The following XRCC4 variants were observed in gnomAD, a reference collection of about 807,000 sequenced individuals.
XRCC4 encodes the protein DNA repair protein XRCC4.
In XRCC4, 28 loss-of-function variants were observed where a neutral mutation model predicts 39.1. The observed-to-expected ratio is 0.72, with a 90% CI of 0.53 to 0.98. XRCC4 has a LOEUF of 0.98. Among genes scored for constraint, XRCC4 ranks in the 50% least tolerant of loss-of-function variants. The pLI is 0.00. For synonymous variants in XRCC4, 123 were observed against 126.4 expected, an observed-to-expected ratio of 0.97 and a Z score of 0.18; for missense variants, 350 against 376.4, an observed-to-expected ratio of 0.93 and a Z score of 0.58.
In XRCC4 at chr5:83,124,459, A is replaced by G. The variant is rs1220059337; in HGVS notation, c.315+13256A>G. 2.6e-5 allele frequency among the ~76,000 whole-genome samples: 4 copies of G among 152,012 alleles called. No homozygotes were observed. The East Asian group carries it at 7.7e-4, about 29-fold the overall frequency. On this transcript the variant is annotated intron_variant, in intron 3 of 7. Coordinates refer to ENST00000396027, the MANE Select transcript of XRCC4 (RefSeq NM_003401.5). ...AATGTATCAGTAGATCATTTTCTTT[A>G]TTGTTGAGTAGTCTATTCTTACCTC...
chr5:83,180,261 T>G (rs983777648), intron 3 of XRCC4, among the ~76,000 whole-genome samples: 9 of 152,110 alleles, frequency 5.9e-5, no homozygotes, highest in African/African-American at 1.9e-4. Flanking sequence ...AGAAATGGAC[T>G]TCAGAAAACA....
intron 1 of XRCC4, among the ~76,000 whole-genome samples, chr5:83,103,336 C>G (rs1746043066): frequency 1.3e-5 from 2 of 152,064 alleles, no homozygotes; most frequent in Non-Finnish European, 2.9e-5. Flanking sequence ...CCTTCTAACT[C>G]TAACTTTCAG....
At chr5:83,190,733 T>C (rs890209779) in intron 3 of XRCC4, among the ~76,000 whole-genome samples, 5 of 152,210 alleles carry the variant, frequency 3.3e-5, no homozygotes, top group African/African-American at 1.2e-4. Context: ...TTTTGTATGC[T>C]TTACTGATAC....
intron 3 of XRCC4, among the ~76,000 whole-genome samples, chr5:83,148,622 A>G (rs1370651110): frequency 1.3e-5 from 2 of 152,108 alleles, no homozygotes; most frequent in African/African-American, 2.4e-5. Context: ...TCAATTTTCA[A>G]TAGGTGAGAA....
chr5:83,174,317 C>G (rs116429216), intron 3 of XRCC4, among the ~76,000 whole-genome samples: 2,213 of 152,178 alleles, frequency 0.015, 62 homozygotes, highest in African/African-American at 0.051. Context: ...TTGAGTGATA[C>G]AATCAAAGAA....
intron 3 of XRCC4, among the ~76,000 whole-genome samples, chr5:83,133,557 G>A (rs187401254): frequency 2.2e-4 from 33 of 152,288 alleles, no homozygotes; most frequent in Admixed American, 1.7e-3. Context: ...CTTTCTGGCC[G>A]CTTTGTTTAC....
chr5:83,365,491 T>C, the XRCC4 span, among the ~76,000 whole-genome samples: 4 of 152,202 alleles, frequency 2.6e-5, no homozygotes, highest in African/African-American at 9.6e-5. Context: ...GGAATGATTT[T>C]CCACTTTGGG....
At chr5:83,267,614 TAGG>T (rs1561443952) in intron 7 of XRCC4, among the ~76,000 whole-genome samples, 1 of 152,094 alleles carries the variant, frequency 6.6e-6, no homozygotes, top group Non-Finnish European at 1.5e-5. Flanking sequence ...GAAAGCAAGA[TAGG>T]AGGAATCATG....
intron 3 of XRCC4, among the ~76,000 whole-genome samples, chr5:83,165,897 T>G (rs908445618): frequency 6.6e-6 from 1 of 150,528 alleles, no homozygotes; most frequent in African/African-American, 2.4e-5. Flanking sequence ...CTTTTTTTTT[T>G]TTTTTTGAGA....
chr5:83,309,266 C>CAAAAAAA lies in XRCC4; in HGVS notation c.894-43840_894-43834dup, dbSNP rs59326460. Among the ~76,000 whole-genome samples, 10 of 17,390 alleles carry CAAAAAAA rather than the reference C, an allele frequency of 5.8e-4. 2 individuals are homozygous for CAAAAAAA. The highest frequency in any genetic ancestry group is 3.2e-3 in the Admixed American group (2 of 624). The allele number at this position is 17,390 out of a possible 152,430, so 11.4% of individuals were successfully genotyped here. On this transcript the variant is annotated intron_variant, in intron 7 of 7. Coordinates refer to ENST00000396027, the MANE Select transcript of XRCC4 (RefSeq NM_003401.5). ...TGGGTGACAGAGCGAGACTCCGTCT[C>CAAAAAAA]AAAAAAAAAAAAAAAAAAAAAAAAA...
intron 3 of XRCC4, among the ~76,000 whole-genome samples, chr5:83,154,666 A>G (rs1027769982): frequency 1.3e-5 from 2 of 152,160 alleles, no homozygotes; most frequent in Non-Finnish European, 2.9e-5. Context: ...ATTATGGCCC[A>G]GGCATCAAGA....
intron 7 of XRCC4, among the ~76,000 whole-genome samples, chr5:83,292,678 AC>A (rs1343278379): frequency 6.6e-6 from 1 of 151,986 alleles, no homozygotes; most frequent in Admixed American, 6.6e-5. Flanking sequence ...TCTCACTGTT[AC>A]AGGCTAGTTA....
intron 3 of XRCC4, among the ~76,000 whole-genome samples, chr5:83,156,801 G>A (rs1748987562): frequency 6.6e-6 from 1 of 152,092 alleles, no homozygotes; most frequent in African/African-American, 2.4e-5. Context: ...TAACTAAGTG[G>A]TATGGAGAAA....
At chr5:83,276,855 TA>T (rs972282250) in intron 7 of XRCC4, among the ~76,000 whole-genome samples, 1 of 151,554 alleles carries the variant, frequency 6.6e-6, no homozygotes, top group African/African-American at 2.4e-5. Context: ...AATCTTGTTA[TA>T]ATTTGTTGCT....
In XRCC4 at chr5:83,195,128, A is replaced by G. The variant is rs28360132; in HGVS notation, c.316-642A>G. On this transcript the variant is annotated intron_variant, in intron 3 of 7. Coordinates refer to ENST00000396027, the MANE Select transcript of XRCC4 (RefSeq NM_003401.5). ...TCTTCAGAATTCCATAAGTGTACTA[A>G]AACTATTTGAGTATTTTATTTTAAA... Among the ~76,000 whole-genome samples, 73 of 152,274 alleles carry G rather than the reference A, an allele frequency of 4.8e-4. 1 individual carries two copies. In the East Asian group the frequency reaches 0.013, roughly 27 times the overall value.
At position 83,198,618 on chromosome 5, in the gene XRCC4, GTAT is replaced by G. The variant is rs566671437; in HGVS notation, c.482+2684_482+2686del. 2.6e-5 allele frequency among the ~76,000 whole-genome samples: 4 copies of G among 152,138 alleles called. No homozygotes were observed. In the East Asian group the frequency reaches 7.7e-4, roughly 29 times the overall value. On this transcript the variant is annotated intron_variant, in intron 4 of 7. Transcript: ENST00000396027. ...GGGAGTATTTTTTGTATATGTTTTA[GTAT>G]TTAAATATGTATCACCATTATAATC... is the stretch of plus-strand genomic sequence containing the variant.
intron 3 of XRCC4, among the ~76,000 whole-genome samples, chr5:83,163,050 A>G (rs1305494987): frequency 1.3e-5 from 2 of 150,382 alleles, no homozygotes; most frequent in African/African-American, 4.9e-5. Context: ...CCCAAGTTCA[A>G]GCAATTCTGC....
chr5:83,262,987 T>TC (rs1170661241), intron 7 of XRCC4, among the ~76,000 whole-genome samples: 5 of 80,396 alleles, frequency 6.2e-5, no homozygotes, highest in Admixed American at 1.6e-4. Context: ...ATGCTATCCC[T>TC]CCCCCCCTCC....
the XRCC4 span, among the ~76,000 whole-genome samples, chr5:83,365,741 A>C: frequency 2.6e-5 from 4 of 152,242 alleles, no homozygotes; most frequent in Non-Finnish European, 4.4e-5. Flanking sequence ...GTGCCAAGGC[A>C]AGAACAAAAA....
Sources: gnomAD v4.1 joint callset for allele counts (sites outside exome capture counted in the v4.1 genomes callset) on GRCh38, gnomAD v4.1.1 for gene constraint, MANE v1.5 for transcripts, NCBI Gene and HGNC (gene_info 2026-07-23, HGNC 2026-07-21) for gene names.